DAB1: variants seen among roughly 807,000 people sequenced by gnomAD.
DAB1 encodes the protein DAB adaptor protein 1.
In DAB1, 15 loss-of-function variants were observed where a neutral mutation model predicts 64.6. That is an observed-to-expected ratio of 0.23 (90% CI 0.16 to 0.36). The LOEUF (loss-of-function observed/expected upper bound fraction) is 0.36. Among genes scored for constraint, DAB1 ranks in the 10% least tolerant of loss-of-function variants. The pLI is 1.00. For missense variants in DAB1, 596 were observed against 706.7 expected, an observed-to-expected ratio of 0.84 and a Z score of 1.78; for synonymous variants, 235 against 251.9, an observed-to-expected ratio of 0.93 and a Z score of 0.64.
intron 5 of DAB1, among the ~76,000 whole-genome samples, chr1:57,934,364 T>A (rs1380257475): frequency 6.6e-6 from 1 of 151,892 alleles, no homozygotes; most frequent in Non-Finnish European, 1.5e-5. Flanking sequence ...TTTCAGGGAG[T>A]TATATTTCTA....
chr1:58,203,058 A>C (rs1032156508), intron 4 of DAB1, among the ~76,000 whole-genome samples: 27 of 152,208 alleles, frequency 1.8e-4, no homozygotes, highest in Non-Finnish European at 3.1e-4. Flanking sequence ...TTAAAAAGGG[A>C]AAATCAGGTC....
chr1:57,824,759 C>T (rs1652270427), downstream of DAB1, among the ~76,000 whole-genome samples: 1 of 152,214 alleles, frequency 6.6e-6, no homozygotes, highest in Non-Finnish European at 1.5e-5. Flanking sequence ...TGGCATTCAT[C>T]CAGAGCACTA....
At chr1:57,733,308 A>G (rs1557449552) in intron 6 of DAB1, among the ~76,000 whole-genome samples, 1 of 151,786 alleles carries the variant, frequency 6.6e-6, no homozygotes. Context: ...CTAATCTAGT[A>G]GGCTTATTAT....
At position 57,991,558 on chromosome 1, in the gene DAB1, A is replaced by G. The variant is rs554316049; in HGVS notation, n.388-107396T>C. On this transcript the variant is annotated intron_variant and non_coding_transcript_variant, in intron 5 of 20. Coordinates refer to the DAB1 transcript ENST00000485760. ...CAGCCCAAAGGAGAGGCATAGGAGCAAGCCCAAGACCGGGCATGATGGTTG... is the reference window on the plus strand; with the variant it reads ...CAGCCCAAAGGAGAGGCATAGGAGCGAGCCCAAGACCGGGCATGATGGTTG... Among the ~76,000 whole-genome samples, 228 of 152,240 alleles carry G rather than the reference A, an allele frequency of 1.5e-3. 2 individuals are homozygous for G. The highest frequency in any genetic ancestry group is 5.4e-3 in the African/African-American group (224 of 41,560).
chr1:58,100,611 T>A (rs1380889882), intron 5 of DAB1, among the ~76,000 whole-genome samples: 2 of 152,224 alleles, frequency 1.3e-5, no homozygotes, highest in Non-Finnish European at 2.9e-5. Context: ...ATGGTAATTC[T>A]ATGTTTAACT....
At chr1:58,221,505 T>C (rs963634746) in intron 4 of DAB1, among the ~76,000 whole-genome samples, 7 of 152,152 alleles carry the variant, frequency 4.6e-5, no homozygotes, top group Admixed American at 2.0e-4. Flanking sequence ...TGCCATAGCC[T>C]CCGGGGCAGA....
intron 6 of DAB1, among the ~76,000 whole-genome samples, chr1:57,740,046 CAAAAA>C (rs34382329): frequency 9.7e-6 from 1 of 103,140 alleles, no homozygotes; most frequent in Non-Finnish European, 1.9e-5. Flanking sequence ...ACTACTACTA[CAAAAA>C]AAAAAAAAAA....
In DAB1 at chr1:58,103,120, C is replaced by T. The variant is rs557250336; in HGVS notation, n.387+47391G>A. Among the ~76,000 whole-genome samples, 18 of 152,246 alleles carry T rather than the reference C, an allele frequency of 1.2e-4. No homozygotes were observed. The South Asian group carries it at 2.7e-3, about 23-fold the overall frequency. ...CCAAGCTATCATCCAAGACTTCCTG[C>T]GGCACCCGATACGTGGTAATGCACC... is the stretch of plus-strand genomic sequence containing the variant. On this transcript the variant is annotated intron_variant and non_coding_transcript_variant, in intron 5 of 20. Coordinates refer to the DAB1 transcript ENST00000485760.
chr1:57,140,057 A>T (rs1212432078), intron 3 of DAB1, among the ~76,000 whole-genome samples: 2 of 152,174 alleles, frequency 1.3e-5, no homozygotes, highest in Admixed American at 1.3e-4. Context: ...TGCCTTCAGG[A>T]CACTGACGGG....
chr1:58,248,052 G>A (rs1660631220), intron 4 of DAB1, among the ~76,000 whole-genome samples: 1 of 151,908 alleles, frequency 6.6e-6, no homozygotes, highest in African/African-American at 2.4e-5. Flanking sequence ...CGACAAATGT[G>A]GTCACTGTAA....
At chr1:57,135,872 T>G (rs924514980) in intron 4 of DAB1, among the ~76,000 whole-genome samples, 2 of 152,186 alleles carry the variant, frequency 1.3e-5, no homozygotes, top group African/African-American at 4.8e-5. Context: ...AGACATCTAT[T>G]TGACTCTTGT....
chr1:58,091,540 T>C (rs1451155817), intron 5 of DAB1, among the ~76,000 whole-genome samples: 1 of 152,170 alleles, frequency 6.6e-6, no homozygotes, highest in African/African-American at 2.4e-5. Flanking sequence ...AACTGAAGCT[T>C]AGAAAAGTTA....
rs569965802 is a variant in DAB1 at position 58,350,183 on chromosome 1, T to A, written n.258-6780A>T. ...CATGAGATGGTATCTCATTGTGGTT[T>A]TGATTTGCATTTCTCAATAACAGTG... On this transcript the variant is annotated intron_variant and non_coding_transcript_variant, in intron 3 of 20. Coordinates refer to the DAB1 transcript ENST00000485760. Among the ~76,000 whole-genome samples, 27 of 152,366 alleles carry A rather than the reference T, an allele frequency of 1.8e-4. No individual in the cohort carries two copies. The South Asian group carries it at 5.4e-3, about 30-fold the overall frequency.
chr1:58,384,214 A>AT (rs1331291155), intron 3 of DAB1, among the ~76,000 whole-genome samples: 1 of 152,242 alleles, frequency 6.6e-6, no homozygotes, highest in Non-Finnish European at 1.5e-5. Flanking sequence ...TTTAAAAAAA[A>AT]GAAAATCCTA....
chr1:57,130,390 C>T (rs1218236315), intron 4 of DAB1, among the ~76,000 whole-genome samples: 1 of 151,966 alleles, frequency 6.6e-6, no homozygotes, highest in Non-Finnish European at 1.5e-5. Context: ...ACCTTATGAC[C>T]CAGAAATCCC....
chr1:58,408,351 G>C (rs338910), intron 3 of DAB1, among the ~76,000 whole-genome samples: 58,872 of 152,016 alleles, frequency 0.39, 12,031 homozygotes, highest in African/African-American at 0.53. Context: ...TGAACATTCT[G>C]TCTAGCTGTC....
chr1:58,154,631 G>A (rs1570424785), intron 4 of DAB1, among the ~76,000 whole-genome samples: 2 of 152,254 alleles, frequency 1.3e-5, no homozygotes, highest in East Asian at 3.9e-4. Context: ...GAGACTAAAG[G>A]AGGGTGACTG....
chr1:57,128,115 C>A (rs911737934), intron 4 of DAB1, among the ~76,000 whole-genome samples: 17 of 150,162 alleles, frequency 1.1e-4, no homozygotes, highest in Non-Finnish European at 2.4e-4. Context: ...CCATGGCACT[C>A]CAGCCTGGGA....
At chr1:58,451,076 T>A (rs1245978615) in intron 3 of DAB1, among the ~76,000 whole-genome samples, 1 of 152,244 alleles carries the variant, frequency 6.6e-6, no homozygotes, top group African/African-American at 2.4e-5. Flanking sequence ...TCTAATTTTT[T>A]AAATTTTTAT....
Sources: gnomAD v4.1 joint callset for allele counts (sites outside exome capture counted in the v4.1 genomes callset) on GRCh38, gnomAD v4.1.1 for gene constraint, MANE v1.5 for transcripts, NCBI Gene and HGNC (gene_info 2026-07-23, HGNC 2026-07-21) for gene names.